Variants in TCF4 observed in about 807,000 individuals in gnomAD.
TCF4 encodes transcription factor 4.
TCF4 carries 3 observed loss-of-function variants against 82.1 expected under a neutral mutation model. That is an observed-to-expected ratio of 0.04 (90% confidence interval 0.02 to 0.09). The LOEUF (loss-of-function observed/expected upper bound fraction) is 0.09, where lower values mean the gene tolerates loss of function less well. Among genes scored for constraint, TCF4 ranks in the 10% least tolerant of loss-of-function variants. The pLI is 1.00. For synonymous variants in TCF4, 276 were observed against 309.6 expected (o/e 0.89, Z 1.14); for missense variants, 518 against 852.7 (o/e 0.61, Z 4.89).
At chr18:55,318,767 G>A (rs1047610920) in intron 8 of TCF4, among the ~76,000 whole-genome samples, 6 of 151,784 alleles carry the variant, frequency 4.0e-5, no homozygotes, top group East Asian at 1.9e-4. Flanking sequence ...CGTTTTTTTC[G>A]TTTGTCCTAA....
At chr18:55,585,634 A>G in intron 2 of TCF4, 1 of 579,382 alleles carries the variant, frequency 1.7e-6, no homozygotes, top group Non-Finnish European at 2.6e-6. Context: ...TAATGTTATC[A>G]AGATTCAGGT....
intron 8 of TCF4, among the ~76,000 whole-genome samples, chr18:55,287,945 GAA>G (rs143674984): frequency 1.3e-5 from 2 of 151,478 alleles, no homozygotes; most frequent in African/African-American, 4.8e-5. Flanking sequence ...TTACAAGGGG[GAA>G]AAAAAACCCT....
rs1555672050 is a variant in TCF4, at chr18:55,464,101, T to C, written c.182A>G (p.Asn61Ser). ...EDRSSSGSWG[N>S]GGHPSPSRNY... ...CCTGGACGGGCTTGGATGTCCTCCA[T>C]TCCCCCAGGACCCTGAGCTACTTCT... The change falls in exon 4 of 20, where the codon AAT (asparagine) becomes AGT (serine). Residue 61 changes from asparagine (N) to serine (S), a missense_variant. Physicochemically the swap from Asn to Ser is conservative, Grantham distance 46 (BLOSUM62 1). Around this residue, in one of 7 missense-constraint regions of TCF4, gnomAD observed 80 missense variants for 93.8 expected, o/e 0.85. Transcript: ENST00000354452. 1 of 1,613,954 alleles carries C rather than the reference T, an allele frequency of 6.2e-7. No homozygotes were observed. The highest frequency in any genetic ancestry group is 8.5e-7 in the Non-Finnish European group (1 of 1,179,888).
chr18:55,621,779 TAA>T (rs1329350431), intron 2 of TCF4, among the ~76,000 whole-genome samples: 1 of 91,254 alleles, frequency 1.1e-5, no homozygotes, highest in Non-Finnish European at 1.9e-5. Flanking sequence ...ATATATAATA[TAA>T]TATATATTAT....
intron 5 of TCF4, among the ~76,000 whole-genome samples, chr18:55,460,379 G>A (rs942930078): frequency 2.6e-5 from 4 of 152,008 alleles, no homozygotes; most frequent in African/African-American, 9.7e-5. Flanking sequence ...GTAGCCAAAA[G>A]CAGAAAAACA....
chr18:55,627,541 A>G (rs1694378306), intron 2 of TCF4, among the ~76,000 whole-genome samples: 1 of 152,144 alleles, frequency 6.6e-6, no homozygotes, highest in South Asian at 2.1e-4. Context: ...AGGCGGGTGG[A>G]TCACTTGAGG....
intron 3 of TCF4, among the ~76,000 whole-genome samples, chr18:55,531,281 C>T (rs542750459): frequency 4.7e-4 from 72 of 152,154 alleles, no homozygotes; most frequent in South Asian, 1.2e-3. Flanking sequence ...TACCATCTCT[C>T]GTAACACTCA....
chr18:55,337,048 A>G (rs1323841064), intron 8 of TCF4, among the ~76,000 whole-genome samples: 1 of 152,188 alleles, frequency 6.6e-6, no homozygotes, highest in Non-Finnish European at 1.5e-5. Context: ...TTAGAAAACT[A>G]TAACACACTT....
chr18:55,563,852 G>A (rs1031062094), intron 3 of TCF4, among the ~76,000 whole-genome samples: 5 of 152,184 alleles, frequency 3.3e-5, no homozygotes, highest in Admixed American at 6.5e-5. Context: ...AATATCATCA[G>A]AAATTTTTAT....
intron 3 of TCF4, among the ~76,000 whole-genome samples, chr18:55,512,431 G>A (rs2146313267): frequency 6.6e-6 from 1 of 151,508 alleles, no homozygotes; most frequent in East Asian, 1.9e-4. Context: ...ATGGAAGATA[G>A]AATCTACACA....
chr18:55,480,183 T>C (rs1474526523), intron 3 of TCF4, among the ~76,000 whole-genome samples: 4 of 146,142 alleles, frequency 2.7e-5, no homozygotes, highest in Non-Finnish European at 5.9e-5. Context: ...ATCTGTAAAA[T>C]GGGAATGACC....
chr18:55,401,487 C>T (rs1171276255), intron 6 of TCF4: 2 of 992,324 alleles, frequency 2.0e-6, no homozygotes, highest in Non-Finnish European at 2.4e-6. Flanking sequence ...GACATTAATG[C>T]CTCAAAACGA....
intron 8 of TCF4, among the ~76,000 whole-genome samples, chr18:55,303,012 T>C (rs1164100917): frequency 2.6e-5 from 4 of 152,176 alleles, no homozygotes; most frequent in Non-Finnish European, 5.9e-5. Context: ...TGGTGAGGAA[T>C]GGCCTCCAAT....
At chr18:55,325,617 C>T (rs1410462184) in intron 8 of TCF4, among the ~76,000 whole-genome samples, 3 of 152,160 alleles carry the variant, frequency 2.0e-5, no homozygotes, top group Admixed American at 6.5e-5. Context: ...TTTTTCTCCT[C>T]CCGAATATAA....
intron 6 of TCF4, among the ~76,000 whole-genome samples, chr18:55,362,434 G>GA (rs1168719900): frequency 1.7e-3 from 200 of 118,010 alleles, no homozygotes; most frequent in African/African-American, 5.7e-3. Flanking sequence ...AGGAAGGAAG[G>GA]AAAAAAAAAA....
At chr18:55,463,585 C>T (rs1342712074) in intron 4 of TCF4, among the ~76,000 whole-genome samples, 3 of 152,060 alleles carry the variant, frequency 2.0e-5, no homozygotes, top group East Asian at 1.9e-4. Context: ...GTCTACATAG[C>T]GAAATCAACT....
At chr18:55,355,648 A>G (rs890702909) in intron 6 of TCF4, among the ~76,000 whole-genome samples, 13 of 152,168 alleles carry the variant, frequency 8.5e-5, no homozygotes, top group African/African-American at 3.1e-4. Context: ...CTGATTCCTG[A>G]AGGTCCAAGA....
chr18:55,635,735 A>C, exon 1 of TCF4: 2 of 1,550,516 alleles, frequency 1.3e-6, no homozygotes, highest in Non-Finnish European at 1.7e-6. Flanking sequence ...CTCGAGTAGC[A>C]GTTCTCAACC....
At chr18:55,589,849 C>G, upstream of TCF4, 1 of 1,002,832 alleles carries the variant, frequency 1.0e-6, no homozygotes, top group Non-Finnish European at 1.2e-6. Context: ...CAGACAATGA[C>G]TGGGAAGGGG....
Sources: allele counts gnomAD v4.1 joint callset (sites outside exome capture counted in the v4.1 genomes callset), GRCh38; gene constraint gnomAD v4.1.1; regional missense constraint gnomAD v4.1.1; transcripts MANE v1.5; gene names NCBI Gene and HGNC (gene_info 2026-07-23, HGNC 2026-07-21).